UBE2G2: variants seen among roughly 807,000 people sequenced by gnomAD.
The protein encoded by UBE2G2 is ubiquitin-conjugating enzyme E2 G2.
A neutral mutation model predicts 23.0 loss-of-function variants in UBE2G2; 10 were observed. The ratio of observed to expected loss-of-function variants is 0.43; its 90% CI spans 0.27 to 0.74. The LOEUF (loss-of-function observed/expected upper bound fraction) is 0.74. UBE2G2 is among the 30% of genes least tolerant of loss of function. UBE2G2 has a pLI of 0.19. For synonymous variants in UBE2G2, 86 were observed against 81.3 expected (o/e 1.06, Z -0.31); for missense variants, 150 against 218.3 (o/e 0.69, Z 1.97).
intron 1 of UBE2G2, among the ~76,000 whole-genome samples, chr21:44,799,781 C>G (rs1180401032): frequency 6.6e-6 from 1 of 152,254 alleles, no homozygotes; most frequent in Non-Finnish European, 1.5e-5. Flanking sequence ...ACTTGGCTAA[C>G]AAGAGACCCA....
intron 1 of UBE2G2, among the ~76,000 whole-genome samples, chr21:44,797,607 CG>C (rs1206999910): frequency 6.8e-6 from 1 of 147,868 alleles, no homozygotes; most frequent in Non-Finnish European, 1.5e-5. Context: ...CCCAGCTACA[CG>C]GGAGGCTGAG....
Position 44,772,691 on chromosome 21 carries a change from A to G in UBE2G2, c.385+856T>C, listed in dbSNP as rs899009328. 1.7e-4 allele frequency among the ~76,000 whole-genome samples: 26 copies of G among 152,016 alleles called. No homozygotes were observed. Among genetic ancestry groups the G allele is most frequent in the Admixed American group, 3.9e-4 (6 of 15,274 alleles). On this transcript the variant is annotated intron_variant, in intron 5 of 5. Transcript: ENST00000345496. This position sits in a 1 kb window ranked among gnomAD's most constrained non-coding sequence, Gnocchi z 5.4. ...TGCTGTCTCCTGAACCCAGAGCAGC[A>G]CCTCTGGTAGACAAAGAACCAGGAG... is the stretch of plus-strand genomic sequence containing the variant.
At chr21:44,801,441 C>T (rs1266218822) in intron 1 of UBE2G2, 4 of 1,218,210 alleles carry the variant, frequency 3.3e-6, no homozygotes, top group African/African-American at 3.2e-5. Context: ...AACAAGCCCG[C>T]AAAGACTCAA....
intron 1 of UBE2G2, among the ~76,000 whole-genome samples, chr21:44,788,975 A>G (rs566364076): frequency 6.6e-6 from 1 of 152,286 alleles, no homozygotes; most frequent in Admixed American, 6.5e-5. Context: ...GAATCTAAAG[A>G]TAATTAGTAA....
At chr21:44,780,154 C>T (rs1275602559) in intron 3 of UBE2G2, among the ~76,000 whole-genome samples, 1 of 152,206 alleles carries the variant, frequency 6.6e-6, no homozygotes, top group Non-Finnish European at 1.5e-5. Flanking sequence ...TCCTGAAGTG[C>T]GCCCACATCT....
intron 1 of UBE2G2, 62 bp from the exon 2 acceptor site, chr21:44,788,157 A>G: frequency 6.8e-7 from 1 of 1,465,060 alleles, no homozygotes; most frequent in Non-Finnish European, 9.3e-7. Flanking sequence ...TCATTTTAAC[A>G]AAACACCTTT....
In UBE2G2 at chr21:44,772,395, T is replaced by TG. The variant is rs1470182948; in HGVS notation, c.386-907dup. On this transcript the variant is annotated intron_variant, in intron 5 of 5. Coordinates refer to ENST00000345496, the MANE Select transcript of UBE2G2 (RefSeq NM_003343.6). The surrounding 1 kb of genome is among the most constrained non-coding windows in gnomAD (Gnocchi z 5.4). ...CCCACTCCACGGCACCCAAAGGCTCTGCAGAGAATAGCTGAGTGGCCTCAC... is the reference window on the plus strand; with the variant it reads ...CCCACTCCACGGCACCCAAAGGCTCTGGCAGAGAATAGCTGAGTGGCCTCAC... Among the ~76,000 whole-genome samples the TG allele has an allele frequency of 6.6e-6, 1 of 152,084 alleles. No homozygotes were observed. Among genetic ancestry groups the TG allele is most frequent in the Non-Finnish European group, 1.5e-5 (1 of 68,008 alleles).
intron 1 of UBE2G2, among the ~76,000 whole-genome samples, chr21:44,793,116 C>T (rs2146403178): frequency 6.6e-6 from 1 of 152,334 alleles, no homozygotes; most frequent in South Asian, 2.1e-4. Context: ...TAGTCCCATT[C>T]TTGTGTCTCA....
At chr21:44,779,577 T>TC (rs1185389404) in intron 3 of UBE2G2, among the ~76,000 whole-genome samples, 2 of 151,606 alleles carry the variant, frequency 1.3e-5, no homozygotes, top group African/African-American at 2.4e-5. Flanking sequence ...GTTACTCTGC[T>TC]CCCCCTGCAA....
Position 44,770,417 on chromosome 21 carries a change from A to C in UBE2G2, c.*960T>G, listed in dbSNP as rs1227638695. 2.0e-5 allele frequency: 3 copies of C among 152,102 alleles called. No individual in the cohort carries two copies. Among genetic ancestry groups the C allele is most frequent in the African/African-American group, 7.2e-5 (3 of 41,414 alleles). The allele number at this position is 152,102 out of a possible 1,614,324, so 9.4% of individuals were successfully genotyped here. ...ACTGTCTGTCCTTGTGATCAGCAAT[A>C]AATTTCTTTTTTCTTTTTGAGACTG... On this transcript the variant is annotated 3_prime_UTR_variant, in exon 6 of 6. Transcript: ENST00000345496.
chr21:44,801,660 A>T, intron 1 of UBE2G2, 46 bp downstream of exon 1: 1 of 1,501,358 alleles, frequency 6.7e-7, no homozygotes, highest in Non-Finnish European at 8.9e-7. Flanking sequence ...CGGGCCCGGG[A>T]GCAGGAACGC....
chr21:44,774,443 A>G (rs2082898478), intron 4 of UBE2G2: 1 of 232,376 alleles, frequency 4.3e-6, no homozygotes, highest in Non-Finnish European at 8.6e-6. Context: ...CAACTGTAAA[A>G]TTATAAAGCC....
intron 1 of UBE2G2, among the ~76,000 whole-genome samples, chr21:44,796,036 C>G (rs1277300145): frequency 1.3e-5 from 2 of 152,220 alleles, no homozygotes; most frequent in Non-Finnish European, 2.9e-5. Flanking sequence ...ATGACCCCAT[C>G]AACACCTTTA....
In UBE2G2 at chr21:44,771,401, G is replaced by A. The variant is rs373891294; in HGVS notation, c.474C>T (p.Ile158=). The A allele has an allele frequency of 1.3e-5, 21 of 1,612,930 alleles. No individual in the cohort carries two copies. The African/African-American group carries it at 1.7e-4, about 13-fold the overall frequency. ...CTCACAGTCCCAGAGACTTCTGGAC[G>A]ATCTGCTTGGCAATCTTATAGAACT... ...REQFYKIAKQ[I]VQKSLGL The change falls in exon 6 of 6, where the codon ATC becomes ATT. Residue 158 remains isoleucine, a synonymous_variant. Transcript: ENST00000345496. This position sits in a 1 kb window ranked among gnomAD's most constrained non-coding sequence, Gnocchi z 4.6.
chr21:44,790,577 G>A (rs1391977491), intron 1 of UBE2G2, among the ~76,000 whole-genome samples: 1 of 152,202 alleles, frequency 6.6e-6, no homozygotes, highest in Non-Finnish European at 1.5e-5. Flanking sequence ...GTTCTCATGA[G>A]ATCTGGTGGT....
intron 3 of UBE2G2, among the ~76,000 whole-genome samples, chr21:44,778,515 GACC>G (rs2082930727): frequency 6.6e-6 from 1 of 152,200 alleles, no homozygotes; most frequent in Non-Finnish European, 1.5e-5. Context: ...ACACTATCTT[GACC>G]AACAGTTCAA....
intron 1 of UBE2G2, among the ~76,000 whole-genome samples, chr21:44,796,472 C>T (rs576967201): frequency 1.3e-5 from 2 of 152,166 alleles, no homozygotes; most frequent in East Asian, 1.9e-4. Flanking sequence ...GAATGTGCTA[C>T]CTTAAAATAC....
intron 3 of UBE2G2, chr21:44,779,156 C>T: frequency 2.5e-6 from 1 of 401,774 alleles, no homozygotes; most frequent in South Asian, 1.8e-5. Context: ...GGAGGCGGCA[C>T]TCAGGGCTGT....
rs782290217 is a variant in UBE2G2, at chr21:44,773,605, C to A, written c.327G>T (p.Arg109=). ...TCTCCACACTCTGCACAGGACTCCA[C>A]CGCTCCGCGCTGCTCTCGTAGCCCA... The part of the protein sequence containing the change: ...DPMGYESSAE[R]WSPVQSVEKI... Residue 109 remains arginine, a synonymous_variant, in exon 5 of 6, where the codon CGG becomes CGT. Transcript: ENST00000345496. The A allele has an allele frequency of 1.2e-6, 2 of 1,611,810 alleles. No homozygotes were observed.
Sources: gnomAD v4.1 joint callset for allele counts (sites outside exome capture counted in the v4.1 genomes callset) on GRCh38, gnomAD v4.1.1 for gene constraint, Gnocchi (gnomAD v3.1) non-coding constraint, MANE v1.5 for transcripts, NCBI Gene and HGNC (gene_info 2026-07-23, HGNC 2026-07-21) for gene names.